The following FER1L6 variants were observed in gnomAD, a reference collection of about 807,000 sequenced individuals.
FER1L6 encodes the protein fer-1-like protein 6.
FER1L6 carries 177 observed loss-of-function variants against 219.2 expected under a neutral mutation model. The observed-to-expected ratio is 0.81, with a 90% CI of 0.71 to 0.91. FER1L6 has a LOEUF of 0.91. FER1L6 is among the 40% of genes least tolerant of loss of function. FER1L6 has a pLI of 0.00. For missense variants in FER1L6, 2,153 were observed against 2,259.9 expected (o/e 0.95, Z 0.96); for synonymous variants, 768 against 824.3 (o/e 0.93, Z 1.17).
chr8:124,043,924 GC>G (rs1184146599), intron 20 of FER1L6, among the ~76,000 whole-genome samples: 1 of 152,198 alleles, frequency 6.6e-6, no homozygotes, highest in African/African-American at 2.4e-5. Context: ...CATGCAAATA[GC>G]TATTGAGCAT....
chr8:124,082,542 C>T, intron 33 of FER1L6, 84 bp downstream of exon 33: 2 of 1,322,560 alleles, frequency 1.5e-6, no homozygotes, highest in Middle Eastern at 1.9e-4. Context: ...CCCAGTTGTC[C>T]ATCTCTAGGA....
At chr8:123,918,981 T>C (rs1466476945) in intron 1 of FER1L6, among the ~76,000 whole-genome samples, 1 of 152,102 alleles carries the variant, frequency 6.6e-6, no homozygotes, top group African/African-American at 2.4e-5. Flanking sequence ...CAACAGGAAC[T>C]GCAATTCAGA....
chr8:124,049,471 T>C (rs1368032833), intron 21 of FER1L6, 136 bp from the exon 22 acceptor site: 2 of 1,005,102 alleles, frequency 2.0e-6, no homozygotes, highest in Non-Finnish European at 2.9e-6. Flanking sequence ...CAAGAGGAGC[T>C]TGGCAGGAGA....
intron 21 of FER1L6, chr8:124,047,725 G>C (rs1819801628): frequency 6.6e-6 from 1 of 152,170 alleles, no homozygotes. Context: ...GGAGAGAAAG[G>C]AATATGAAAA....
intron 37 of FER1L6, among the ~76,000 whole-genome samples, chr8:124,098,153 T>C (rs916230471): frequency 1.3e-5 from 2 of 152,234 alleles, no homozygotes; most frequent in African/African-American, 2.4e-5. Flanking sequence ...TCAGTGACAT[T>C]TGTCAGATAT....
chr8:123,870,551 T>C (rs1313482458), intron 1 of FER1L6, among the ~76,000 whole-genome samples: 1 of 152,200 alleles, frequency 6.6e-6, no homozygotes, highest in Non-Finnish European at 1.5e-5. Context: ...GAAAAGACAG[T>C]CTGAAAGGAC....
intron 24 of FER1L6, 90 bp downstream of exon 24, chr8:124,060,799 GA>G: frequency 7.3e-7 from 1 of 1,372,894 alleles, no homozygotes; most frequent in Admixed American, 2.2e-5. Context: ...CTAGCTGCGA[GA>G]AAGAATTAAT....
At chr8:124,007,145 G>A (rs1817693564) in intron 13 of FER1L6, among the ~76,000 whole-genome samples, 1 of 152,172 alleles carries the variant, frequency 6.6e-6, no homozygotes, top group Non-Finnish European at 1.5e-5. Context: ...CAGACCACGG[G>A]GCACCTTCAC....
intron 36 of FER1L6, 79 bp from the exon 37 acceptor site, chr8:124,097,706 G>A: frequency 2.5e-6 from 2 of 810,260 alleles, no homozygotes; most frequent in Admixed American, 1.8e-5. Flanking sequence ...ATAGACCAAA[G>A]GCAATGCTAG....
chr8:124,103,341 G>A, intron 39 of FER1L6, 32 bp downstream of exon 39: 1 of 1,592,182 alleles, frequency 6.3e-7, no homozygotes, highest in East Asian at 2.2e-5. Flanking sequence ...TGGAGGAGAT[G>A]GGGGAAGTTG....
intron 18 of FER1L6, 22 bp from the exon 19 acceptor site, chr8:124,035,253 GTC>G: frequency 6.2e-7 from 1 of 1,606,326 alleles, no homozygotes; most frequent in African/African-American, 1.3e-5. Context: ...TAATAAGTCA[GTC>G]TTTTTTGTAA....
intron 31 of FER1L6, among the ~76,000 whole-genome samples, chr8:124,072,670 C>T (rs1358382235): frequency 1.3e-5 from 2 of 152,184 alleles, no homozygotes; most frequent in African/African-American, 4.8e-5. Flanking sequence ...TTCCCCACAA[C>T]CACCATGTGC....
intron 39 of FER1L6, among the ~76,000 whole-genome samples, chr8:124,105,489 G>A (rs1822728269): frequency 6.6e-6 from 1 of 152,172 alleles, no homozygotes; most frequent in African/African-American, 2.4e-5. Flanking sequence ...GGTCAGAAGA[G>A]GGTCAAAATT....
chr8:124,039,139 C>G (rs1304873116), intron 19 of FER1L6, among the ~76,000 whole-genome samples: 1 of 152,164 alleles, frequency 6.6e-6, no homozygotes, highest in Non-Finnish European at 1.5e-5. Flanking sequence ...TGCCAGCATT[C>G]TCACAGGACA....
Position 124,064,431 on chromosome 8 carries a change from A to G in FER1L6, c.3413A>G (p.Asp1138Gly). 6.2e-7 allele frequency: 1 copy of G among 1,613,916 alleles called. No individual in the cohort carries two copies. The highest frequency in any genetic ancestry group is 2.2e-5 in the East Asian group (1 of 44,886). Residue 1138 changes from aspartate to glycine, a missense_variant, in exon 26 of 41, where the codon GAT becomes GGT. Physicochemically the swap from Asp to Gly is moderately conservative, Grantham distance 94. Coordinates refer to ENST00000522917, the MANE Select transcript of FER1L6 (RefSeq NM_001039112.2). ...CCCCCAGCAGATCACATTTATGTGG[A>G]TGTTGAGCCACCTCCCACAGTGGTG... ...QDPPADHIYV[D>G]VEPPPTVVPD...
chr8:123,913,883 G>A (rs1813112355), intron 1 of FER1L6, among the ~76,000 whole-genome samples: 1 of 150,828 alleles, frequency 6.6e-6, no homozygotes, highest in Admixed American at 6.6e-5. Context: ...CCTAATTTTG[G>A]TCAATATGGC....
At chr8:124,064,317 G>A in intron 25 of FER1L6, 30 bp from the exon 26 acceptor site, 5 of 1,590,390 alleles carry the variant, frequency 3.1e-6, no homozygotes, top group Non-Finnish European at 4.3e-6. Context: ...ATGCAGCCCA[G>A]CTCCCTGACC....
intron 1 of FER1L6, among the ~76,000 whole-genome samples, chr8:123,881,875 A>G (rs1192341662): frequency 6.6e-6 from 1 of 152,148 alleles, no homozygotes; most frequent in East Asian, 1.9e-4. Context: ...GATTGAGCAT[A>G]TTCATGGAGC....
intron 14 of FER1L6, 99 bp downstream of exon 14, chr8:124,010,813 AAC>A: frequency 2.0e-6 from 3 of 1,470,206 alleles, no homozygotes; most frequent in South Asian, 2.6e-5. Context: ...CCTCAGTTCA[AAC>A]ACAAATAAAT....
Sources: allele counts gnomAD v4.1 joint callset (sites outside exome capture counted in the v4.1 genomes callset), GRCh38; gene constraint gnomAD v4.1.1; transcripts MANE v1.5; gene names NCBI Gene and HGNC (gene_info 2026-07-23, HGNC 2026-07-21).